The following PADI4 variants were observed in gnomAD, a reference collection of about 807,000 sequenced individuals.
The protein encoded by PADI4 is protein-arginine deiminase type-4.
Under a neutral mutation model 75.0 loss-of-function variants are expected in PADI4, and 62 were observed. The ratio of observed to expected loss-of-function variants is 0.83; its 90% CI spans 0.67 to 1.02. The LOEUF (loss-of-function observed/expected upper bound fraction) is 1.02, where lower values mean the gene tolerates loss of function less well. Ranked by LOEUF, PADI4 falls within the 50% of genes least tolerant of loss-of-function variation. The pLI is 0.00. For synonymous variants in PADI4, 361 were observed against 348.1 expected, an observed-to-expected ratio of 1.04 and a Z score of -0.41; for missense variants, 845 against 850.5, an observed-to-expected ratio of 0.99 and a Z score of 0.08.
chr1:17,362,175 C>A (rs972817372), intron 15 of PADI4, among the ~76,000 whole-genome samples: 6 of 151,832 alleles, frequency 4.0e-5, no homozygotes, highest in Admixed American at 1.3e-4. Context: ...TCCAGGAGTT[C>A]AAGACCAGCC....
Position 17,347,969 on chromosome 1 carries a change from C to A in PADI4, c.1076C>A (p.Ala359Asp). 6.2e-7 allele frequency: 1 copy of A among 1,602,080 alleles called. No individual in the cohort carries two copies. The highest frequency in any genetic ancestry group is 8.5e-7 in the Non-Finnish European group (1 of 1,172,772). Reference protein sequence around the residue: ...QDEMEIGYIQAPHKTLPVVFD... With the variant: ...QDEMEIGYIQDPHKTLPVVFD... Reference sequence around the variant, plus strand: ...GAAATGGAGATCGGCTACATCCAAGCCCCACACAAAACGCTGCCCGTGGTC... The same window carrying A: ...GAAATGGAGATCGGCTACATCCAAGACCCACACAAAACGCTGCCCGTGGTC... The change falls in exon 10 of 16, where the codon GCC becomes GAC. Residue 359 changes from alanine to aspartate, a missense_variant. Ala to Asp is a moderately radical substitution (Grantham distance 126). Coordinates refer to ENST00000375448, the MANE Select transcript of PADI4 (RefSeq NM_012387.3).
intron 2 of PADI4, among the ~76,000 whole-genome samples, chr1:17,332,555 A>G (rs1301918213): frequency 6.6e-6 from 1 of 152,130 alleles, no homozygotes; most frequent in East Asian, 1.9e-4. Context: ...TGGTCTCAAG[A>G]TCCTCAACTT....
At position 17,356,142 on chromosome 1, in the gene PADI4, G is replaced by T. The variant is rs937206968; in HGVS notation, c.1455+15G>T. 2 of 1,612,094 alleles carry T rather than the reference G, an allele frequency of 1.2e-6. No individual in the cohort carries two copies. The highest frequency in any genetic ancestry group is 1.7e-6 in the Non-Finnish European group (2 of 1,178,668). On this transcript the variant is annotated intron_variant, in intron 12 of 15. Coordinates refer to ENST00000375448, the MANE Select transcript of PADI4 (RefSeq NM_012387.3). The surrounding 1 kb of genome is among the most constrained non-coding windows in gnomAD (Gnocchi z 4.1). ...CCGACAGGAAGGTACAGTCTTGGGG[G>T]CTGCCTCAGGAAGCCATGCCTCCTT...
intron 1 of PADI4, among the ~76,000 whole-genome samples, chr1:17,326,904 CT>C (rs140721491): frequency 0.17 from 21,898 of 131,872 alleles, 1,519 homozygotes; most frequent in African/African-American, 0.25. Context: ...GCCTTATATG[CT>C]TTTTTTTTTT....
chr1:17,326,927 C>T, intron 1 of PADI4, among the ~76,000 whole-genome samples: 1 of 138,178 alleles, frequency 7.2e-6, no homozygotes, highest in South Asian at 2.3e-4. Context: ...TTTTGAGACA[C>T]AGTCTCACCC....
At chr1:17,326,836 A>T (rs1001271187) in intron 1 of PADI4, among the ~76,000 whole-genome samples, 9 of 150,976 alleles carry the variant, frequency 6.0e-5, no homozygotes, top group Admixed American at 5.3e-4. Context: ...GAAATCTTCA[A>T]CTCTGATGGT....
intron 5 of PADI4, 145 bp downstream of exon 5, chr1:17,338,300 G>C: frequency 1.6e-6 from 1 of 612,748 alleles, no homozygotes; most frequent in Non-Finnish European, 3.0e-6. Flanking sequence ...TGAAGCAATG[G>C]GCAAAGGCCC....
At chr1:17,338,915 C>T (rs549250113) in intron 5 of PADI4, among the ~76,000 whole-genome samples, 25 of 152,286 alleles carry the variant, frequency 1.6e-4, no homozygotes, top group Non-Finnish European at 2.1e-4. Context: ...TGGCCTGGCC[C>T]GATGCCAGGG....
At chr1:17,354,248 GA>G (rs767090532) in intron 10 of PADI4, among the ~76,000 whole-genome samples, 4 of 151,840 alleles carry the variant, frequency 2.6e-5, no homozygotes, top group South Asian at 2.1e-4. Context: ...GTCTTAAGGG[GA>G]AAAAAAATGA....
At chr1:17,351,824 G>A (rs1216451525) in intron 10 of PADI4, among the ~76,000 whole-genome samples, 1 of 151,930 alleles carries the variant, frequency 6.6e-6, no homozygotes, top group Non-Finnish European at 1.5e-5. Flanking sequence ...ACAGCAAGAG[G>A]GCCTGGAGGG....
intron 1 of PADI4, among the ~76,000 whole-genome samples, chr1:17,311,043 A>G (rs1219143457): frequency 1.3e-5 from 2 of 151,106 alleles, no homozygotes; most frequent in Non-Finnish European, 1.5e-5. Context: ...GCTGCAGTGA[A>G]CCGAGATTGT....
At chr1:17,336,066 C>A in intron 3 of PADI4, 93 bp from the exon 4 acceptor site, 1 of 809,236 alleles carries the variant, frequency 1.2e-6, no homozygotes. Flanking sequence ...TGCACACAGT[C>A]CCCTGGGGAA....
chr1:17,342,713 G>A (rs879401719), intron 8 of PADI4, among the ~76,000 whole-genome samples: 33 of 152,174 alleles, frequency 2.2e-4, no homozygotes, highest in Non-Finnish European at 3.8e-4. Context: ...GGTGGCTCAC[G>A]CCTGTAATCC....
rs903113011 is a variant in PADI4 at position 17,354,636 on chromosome 1, G to A, written c.1259G>A (p.Gly420Asp). 7 of 1,613,884 alleles carry A rather than the reference G, an allele frequency of 4.3e-6. No homozygotes were observed. Among genetic ancestry groups the A allele is most frequent in the Middle Eastern group, 1.6e-4 (1 of 6,078 alleles). ...GTGAGCCCCCCAGTCACAGTCAGGG[G>A]CAAGGAATACCCGCTGGGCAGGATT... is the stretch of plus-strand genomic sequence containing the variant. ...LEVSPPVTVRGKEYPLGRILF... is the reference protein window; with the variant it reads ...LEVSPPVTVRDKEYPLGRILF... Residue 420 changes from glycine (G) to aspartate (D), a missense_variant, in exon 11 of 16, where the codon GGC (glycine) becomes GAC (aspartate). By Grantham distance (94) the Gly-to-Asp change is moderately conservative. Transcript: ENST00000375448.
intron 8 of PADI4, among the ~76,000 whole-genome samples, chr1:17,345,778 G>C (rs1371551725): frequency 1.3e-5 from 2 of 152,188 alleles, no homozygotes; most frequent in Admixed American, 6.5e-5. Context: ...CCAGTCTCAA[G>C]TATGTCTTTA....
intron 8 of PADI4, 36 bp from the exon 9 acceptor site, chr1:17,345,992 C>G: frequency 2.2e-6 from 3 of 1,365,684 alleles, no homozygotes; most frequent in Non-Finnish European, 3.1e-6. Context: ...CTTCAAATTC[C>G]AGAGCACTAA....
chr1:17,343,329 A>T (rs1041392930), intron 8 of PADI4, among the ~76,000 whole-genome samples: 8 of 152,234 alleles, frequency 5.3e-5, no homozygotes, highest in Non-Finnish European at 1.0e-4. Context: ...GGGGAGGCCC[A>T]GGCAATCTTC....
rs200322577 is a variant in PADI4 at position 17,310,219 on chromosome 1, T to C, written c.92+1905T>C. On this transcript the variant is annotated intron_variant, in intron 1 of 15. Transcript: ENST00000375448. Reference sequence around the variant, plus strand: ...GGCAGGTAATGTTGTTATTCCCATTTTACAAAAGAGGAAACAGAGGCTCCA... The same window carrying C: ...GGCAGGTAATGTTGTTATTCCCATTCTACAAAAGAGGAAACAGAGGCTCCA... Among the ~76,000 whole-genome samples, 15 of 152,248 alleles carry C rather than the reference T, an allele frequency of 9.9e-5. No individual in the cohort carries two copies. The East Asian group carries it at 2.9e-3, about 29-fold the overall frequency.
intron 10 of PADI4, among the ~76,000 whole-genome samples, chr1:17,351,982 G>GAGGCAGT (rs111567529): frequency 0.081 from 5,675 of 69,754 alleles, 1,066 homozygotes; most frequent in African/African-American, 0.36. Flanking sequence ...GAGGTGATGG[G>GAGGCAGT]AGGAGAGGCA....
Sources: allele counts gnomAD v4.1 joint callset (sites outside exome capture counted in the v4.1 genomes callset), GRCh38; gene constraint gnomAD v4.1.1; non-coding constraint Gnocchi (gnomAD v3.1); transcripts MANE v1.5; gene names NCBI Gene and HGNC (gene_info 2026-07-23, HGNC 2026-07-21).